The following AKT3 variants were observed in gnomAD, a reference collection of about 807,000 sequenced individuals.
The protein encoded by AKT3 is RAC-gamma serine/threonine-protein kinase.
A neutral mutation model predicts 65.3 loss-of-function variants in AKT3; 15 were observed. That is an observed-to-expected ratio of 0.23 (90% confidence interval 0.15 to 0.35). The LOEUF is 0.35. Among genes scored for constraint, AKT3 ranks in the 10% least tolerant of loss-of-function variants. AKT3 has a pLI of 1.00. For synonymous variants in AKT3, 206 were observed against 183.8 expected, an observed-to-expected ratio of 1.12 and a Z score of -0.98; for missense variants, 243 against 576.5, an observed-to-expected ratio of 0.42 and a Z score of 5.92.
At chr1:243,626,117 C>G (rs888161213) in intron 6 of AKT3, among the ~76,000 whole-genome samples, 1 of 152,058 alleles carries the variant, frequency 6.6e-6, no homozygotes, top group Non-Finnish European at 1.5e-5. Flanking sequence ...TGAAGGGGCC[C>G]CGCTAGGCAG....
At chr1:243,614,993 T>G (rs1678189213) in intron 7 of AKT3, 103 bp downstream of exon 7, 201 of 836,808 alleles carry the variant, frequency 2.4e-4, no homozygotes, top group Non-Finnish European at 3.4e-4. Flanking sequence ...ACAAAGAAAA[T>G]GAGATATCTA....
chr1:243,809,641 A>G (rs914255732), intron 2 of AKT3, among the ~76,000 whole-genome samples: 3 of 152,142 alleles, frequency 2.0e-5, no homozygotes, highest in Non-Finnish European at 4.4e-5. Flanking sequence ...GAAAGTTAAC[A>G]AGGATATCCA....
intron 3 of AKT3, among the ~76,000 whole-genome samples, chr1:243,665,125 CTTTCA>C (rs1167085466): frequency 6.6e-6 from 1 of 152,170 alleles, no homozygotes; most frequent in African/African-American, 2.4e-5. Flanking sequence ...CATCTTAACT[CTTTCA>C]TTTATTTATG....
chr1:243,613,618 T>C lies in AKT3; in HGVS notation c.696+53A>G, dbSNP rs1678064688. ...GTAACTTGTATTTTAAGTAATGTTTTTAAAATAATGAAAATACTACCATGC... is the reference window on the plus strand; with the variant it reads ...GTAACTTGTATTTTAAGTAATGTTTCTAAAATAATGAAAATACTACCATGC... On this transcript the variant is annotated intron_variant, in intron 8 of 13. Coordinates refer to ENST00000673466, the MANE Select transcript of AKT3 (RefSeq NM_005465.7). The C allele has an allele frequency of 2.2e-6, 3 of 1,359,344 alleles. No homozygotes were observed. In the South Asian group the frequency reaches 4.5e-5, roughly 21 times the overall value. 84.2% of individuals were successfully genotyped at this position (1,359,344 alleles called of 1,614,324 possible). A position where few individuals can be genotyped will look rare whatever the true frequency, so the allele number is the denominator to read the frequency against.
At chr1:243,577,011 A>G (rs1463898589) in intron 8 of AKT3, among the ~76,000 whole-genome samples, 1 of 152,230 alleles carries the variant, frequency 6.6e-6, no homozygotes, top group Admixed American at 6.5e-5. Flanking sequence ...ACAGCATGGT[A>G]CTGGTAACAA....
intron 3 of AKT3, among the ~76,000 whole-genome samples, chr1:243,668,975 A>T (rs1682989258): frequency 6.6e-6 from 1 of 152,216 alleles, no homozygotes; most frequent in South Asian, 2.1e-4. Flanking sequence ...GTTAAAAAAC[A>T]CAAAATATAT....
In AKT3 at chr1:243,582,684, A is replaced by G. The variant is rs1296061018; in HGVS notation, c.697-9636T>C. ...AAGTACATAGCCCACAGACCCTATA[A>G]AGCAAAAACACACACTAGAAAGTGT... On this transcript the variant is annotated intron_variant, in intron 8 of 13. Coordinates refer to ENST00000673466, the MANE Select transcript of AKT3 (RefSeq NM_005465.7). 2.6e-5 allele frequency among the ~76,000 whole-genome samples: 4 copies of G among 152,256 alleles called. No individual in the cohort carries two copies. In the East Asian group the frequency reaches 7.7e-4, roughly 29 times the overall value.
Position 243,705,185 on chromosome 1 carries a change from A to G in AKT3, c.47-9469T>C, listed in dbSNP as rs376567428. On this transcript the variant is annotated intron_variant, in intron 2 of 13. Coordinates refer to ENST00000673466, the MANE Select transcript of AKT3 (RefSeq NM_005465.7). ...GTACAGTTTTCACTTCATCTTAGCC[A>G]AAAGTCCGAGAAGCAATATTATGAA... Among the ~76,000 whole-genome samples, 14 of 152,338 alleles carry G rather than the reference A, an allele frequency of 9.2e-5. No individual in the cohort carries two copies. The East Asian group carries it at 1.2e-3, about 13-fold the overall frequency.
Position 243,812,136 on chromosome 1 carries a change from C to A in AKT3, c.46+30989G>T, listed in dbSNP as rs1444488477. 3.3e-5 allele frequency among the ~76,000 whole-genome samples: 5 copies of A among 152,074 alleles called. No individual in the cohort carries two copies. In the South Asian group the frequency reaches 8.3e-4, roughly 25 times the overall value. ...GGCAAGGACTTCATGTCTAAAACAC[C>A]AAAAGCAATGGCAACAAAAGCCAAA... On this transcript the variant is annotated intron_variant, in intron 2 of 13. Coordinates refer to ENST00000673466, the MANE Select transcript of AKT3 (RefSeq NM_005465.7).
intron 2 of AKT3, among the ~76,000 whole-genome samples, chr1:243,723,748 C>A (rs922485631): frequency 1.3e-5 from 2 of 151,964 alleles, no homozygotes; most frequent in African/African-American, 4.8e-5. Flanking sequence ...GAGATCCTGT[C>A]TCTACAAAAA....
chr1:243,834,414 A>T (rs1346815405), intron 2 of AKT3, among the ~76,000 whole-genome samples: 1 of 152,234 alleles, frequency 6.6e-6, no homozygotes, highest in Admixed American at 6.5e-5. Context: ...GTAGAAAACC[A>T]AATATTACAT....
At position 243,499,812 on chromosome 1, in the gene AKT3, GATTTACAAAGAGAT is replaced by G. The variant is rs1558564200; in HGVS notation, c.*5423_*5436del. 1 of 1,605,294 alleles carries G rather than the reference GATTTACAAAGAGAT, an allele frequency of 6.2e-7. No individual in the cohort carries two copies. The highest frequency in any genetic ancestry group is 1.7e-4 in the Middle Eastern group (1 of 6,052). On this transcript the variant is annotated 3_prime_UTR_variant, in exon 14 of 14. Coordinates refer to ENST00000673466, the MANE Select transcript of AKT3 (RefSeq NM_005465.7). ...CTGGATGGAACAGAGTGAAATAAAT[GATTTACAAAGAGAT>G]ATTTACATTCATCTGGTTTAGACTT...
chr1:243,495,400 A>T (rs1262362465), downstream of AKT3, among the ~76,000 whole-genome samples: 1 of 152,138 alleles, frequency 6.6e-6, no homozygotes, highest in South Asian at 2.1e-4. Context: ...CAGCAAAGCC[A>T]AGCCCTGCGG....
intron 9 of AKT3, among the ~76,000 whole-genome samples, chr1:243,570,833 A>AT (rs987089604): frequency 2.0e-5 from 3 of 152,170 alleles, no homozygotes; most frequent in Non-Finnish European, 4.4e-5. Context: ...TTAAGGCTAT[A>AT]TTTTTTAAGA....
chr1:243,662,384 T>G (rs1011983080), intron 4 of AKT3, among the ~76,000 whole-genome samples: 3 of 151,886 alleles, frequency 2.0e-5, no homozygotes, highest in African/African-American at 7.3e-5. Flanking sequence ...CCATAAAAAA[T>G]GATGAGTTCA....
downstream of AKT3, among the ~76,000 whole-genome samples, chr1:243,497,094 G>A (rs973410623): frequency 4.6e-5 from 7 of 152,158 alleles, no homozygotes; most frequent in Admixed American, 1.3e-4. Flanking sequence ...TCTCCTGGAC[G>A]AGACCATGAT....
intron 2 of AKT3, among the ~76,000 whole-genome samples, chr1:243,835,835 A>T (rs1694860895): frequency 6.6e-6 from 1 of 151,988 alleles, no homozygotes; most frequent in Admixed American, 6.5e-5. Flanking sequence ...TTTTTTAAAA[A>T]AATAACAGTA....
chr1:243,596,167 G>C (rs1676598180), intron 8 of AKT3, among the ~76,000 whole-genome samples: 1 of 152,150 alleles, frequency 6.6e-6, no homozygotes, highest in Non-Finnish European at 1.5e-5. Flanking sequence ...ATAGGAGAAA[G>C]ATGTGTGACC....
chr1:243,684,272 A>AC (rs1684129048), intron 3 of AKT3, among the ~76,000 whole-genome samples: 1 of 151,892 alleles, frequency 6.6e-6, no homozygotes, highest in Non-Finnish European at 1.5e-5. Context: ...CCTGTCATCT[A>AC]CATTAGGTAT....
Sources: allele counts gnomAD v4.1 joint callset (sites outside exome capture counted in the v4.1 genomes callset), GRCh38; gene constraint gnomAD v4.1.1; transcripts MANE v1.5; gene names NCBI Gene and HGNC (gene_info 2026-07-23, HGNC 2026-07-21).